GRID2: variants seen among roughly 807,000 people sequenced by gnomAD.
The protein encoded by GRID2 is glutamate receptor ionotropic, delta-2.
In GRID2, 33 loss-of-function variants were observed where a neutral mutation model predicts 114.8. The ratio of observed to expected loss-of-function variants is 0.29; its 90% CI spans 0.22 to 0.38. The LOEUF (loss-of-function observed/expected upper bound fraction) is 0.38, where lower values mean the gene tolerates loss of function less well. Among genes scored for constraint, GRID2 ranks in the 10% least tolerant of loss-of-function variants. The pLI is 1.00. For missense variants in GRID2, 1,184 were observed against 1,257.7 expected (o/e 0.94, Z 0.89); for synonymous variants, 505 against 449.9 (o/e 1.12, Z -1.55).
chr4:92,441,426 G>A (rs1462809233), intron 1 of GRID2, among the ~76,000 whole-genome samples: 2 of 152,082 alleles, frequency 1.3e-5, no homozygotes, highest in Non-Finnish European at 2.9e-5. Context: ...AAGGGGCAAA[G>A]GAATAGTAAA....
At chr4:93,774,874 T>C (rs1387593911), downstream of GRID2, among the ~76,000 whole-genome samples, 1 of 152,012 alleles carries the variant, frequency 6.6e-6, no homozygotes, top group Non-Finnish European at 1.5e-5. Context: ...GCAACCATTA[T>C]GATAATATCA....
chr4:92,514,097 G>T lies in GRID2; in HGVS notation c.89-76034G>T, dbSNP rs893794442. Among the ~76,000 whole-genome samples the T allele has an allele frequency of 5.3e-5, 8 of 151,788 alleles. 1 individual carries two copies. In the South Asian group the frequency reaches 1.7e-3, roughly 31 times the overall value. ...ACTATAAATAAAAAACATGAAAAGG[G>T]TTTGTTGTTTCTTTACTAAACTGCT... On this transcript the variant is annotated intron_variant, in intron 1 of 15. Coordinates refer to ENST00000282020, the MANE Select transcript of GRID2 (RefSeq NM_001510.4).
At chr4:93,142,058 A>G (rs1175661587) in intron 4 of GRID2, among the ~76,000 whole-genome samples, 2 of 152,150 alleles carry the variant, frequency 1.3e-5, no homozygotes, top group African/African-American at 4.8e-5. Flanking sequence ...CTACAAAAAT[A>G]CAAAAATTAG....
At chr4:92,482,150 A>T (rs1722647581) in intron 1 of GRID2, among the ~76,000 whole-genome samples, 1 of 150,796 alleles carries the variant, frequency 6.6e-6, no homozygotes, top group Admixed American at 6.6e-5. Flanking sequence ...AAACAGTGAA[A>T]TCATGTCCTT....
chr4:92,938,370 A>C (rs1367511062), intron 2 of GRID2, among the ~76,000 whole-genome samples: 1 of 146,714 alleles, frequency 6.8e-6, no homozygotes, highest in African/African-American at 2.4e-5. Flanking sequence ...AAAAACTATT[A>C]TAAACCATCT....
intron 1 of GRID2, among the ~76,000 whole-genome samples, chr4:92,434,569 A>T (rs1230380110): frequency 1.3e-5 from 2 of 152,194 alleles, no homozygotes; most frequent in Non-Finnish European, 2.9e-5. Flanking sequence ...TAGAAAGGAC[A>T]ACAGCTTAAT....
intron 1 of GRID2, among the ~76,000 whole-genome samples, chr4:92,572,305 C>T (rs1048661657): frequency 1.4e-4 from 21 of 152,216 alleles, no homozygotes; most frequent in African/African-American, 4.8e-4. Context: ...AATTCCTCGA[C>T]ACATACACCC....
chr4:93,663,902 C>G (rs571709723), intron 14 of GRID2, among the ~76,000 whole-genome samples: 4 of 152,238 alleles, frequency 2.6e-5, no homozygotes, highest in Admixed American at 2.6e-4. Context: ...TCATACATCA[C>G]CTGGCTTAAA....
At chr4:93,405,838 C>A (rs1766356338) in intron 9 of GRID2, among the ~76,000 whole-genome samples, 1 of 152,046 alleles carries the variant, frequency 6.6e-6, no homozygotes, top group Non-Finnish European at 1.5e-5. Context: ...ACATAAAATT[C>A]TTCAGAAATG....
At chr4:93,283,181 A>T (rs758729112) in intron 8 of GRID2, among the ~76,000 whole-genome samples, 1 of 152,100 alleles carries the variant, frequency 6.6e-6, no homozygotes, top group Non-Finnish European at 1.5e-5. Flanking sequence ...TTCGCAAAGC[A>T]TTTTTGAAAT....
In GRID2 at chr4:93,753,742, T is replaced by C. The variant is rs548626806; in HGVS notation, c.2361-15468T>C. Among the ~76,000 whole-genome samples, 25 of 152,324 alleles carry C rather than the reference T, an allele frequency of 1.6e-4. No homozygotes were observed. In the East Asian group the frequency reaches 4.1e-3, roughly 25 times the overall value. ...CACATTTTCTTAATCCAGTCTATCA[T>C]TGATGGACATTTGGGTTGGTTCCAA... On this transcript the variant is annotated intron_variant, in intron 14 of 15. Transcript: ENST00000282020.
chr4:92,709,593 T>A (rs371258421), intron 2 of GRID2, among the ~76,000 whole-genome samples: 9,514 of 123,674 alleles, frequency 0.077, 488 homozygotes, highest in African/African-American at 0.14. Context: ...AAAAAAAATA[T>A]ATATATATAT....
intron 4 of GRID2, among the ~76,000 whole-genome samples, chr4:93,140,625 A>G (rs570534366): frequency 1.3e-5 from 2 of 152,372 alleles, no homozygotes; most frequent in African/African-American, 4.8e-5. Context: ...CTGATACATT[A>G]CAAATAAGTC....
At chr4:92,466,835 T>C (rs2149092359) in intron 1 of GRID2, among the ~76,000 whole-genome samples, 1 of 151,804 alleles carries the variant, frequency 6.6e-6, no homozygotes, top group East Asian at 1.9e-4. Context: ...TATATATGTG[T>C]GTGTGTGTTA....
At chr4:93,111,512 T>G (rs1732759568) in intron 4 of GRID2, among the ~76,000 whole-genome samples, 1 of 152,146 alleles carries the variant, frequency 6.6e-6, no homozygotes, top group African/African-American at 2.4e-5. Flanking sequence ...ATCTGTTCAT[T>G]TAGTTAGAAG....
intron 13 of GRID2, among the ~76,000 whole-genome samples, chr4:93,581,427 C>G (rs1578311004): frequency 6.6e-6 from 1 of 152,200 alleles, no homozygotes; most frequent in East Asian, 1.9e-4. Flanking sequence ...AACTACACAG[C>G]ATTTATATCC....
chr4:93,150,674 T>C (rs1736651110), intron 4 of GRID2, among the ~76,000 whole-genome samples: 1 of 151,876 alleles, frequency 6.6e-6, no homozygotes. Context: ...TTAGTGTCTG[T>C]GTCCTCTCTG....
intron 1 of GRID2, among the ~76,000 whole-genome samples, chr4:92,558,955 A>C (rs2149180133): frequency 6.6e-6 from 1 of 152,290 alleles, no homozygotes; most frequent in South Asian, 2.1e-4. Context: ...AACCTTTAAT[A>C]AATTTACTGT....
chr4:93,720,214 T>C (rs1248109993), intron 14 of GRID2, among the ~76,000 whole-genome samples: 1 of 152,142 alleles, frequency 6.6e-6, no homozygotes, highest in African/African-American at 2.4e-5. Flanking sequence ...GGCCATTCAT[T>C]CCTGATAGTT....
Sources: gnomAD v4.1 joint callset for allele counts (sites outside exome capture counted in the v4.1 genomes callset) on GRCh38, gnomAD v4.1.1 for gene constraint, MANE v1.5 for transcripts, NCBI Gene and HGNC (gene_info 2026-07-23, HGNC 2026-07-21) for gene names.